Variants in LRRC40 observed in about 807,000 individuals in gnomAD.
LRRC40 encodes leucine rich repeat containing 40, also known as leucine-rich repeat-containing protein 40.
In LRRC40, 76 loss-of-function variants were observed where a neutral mutation model predicts 72.8. The observed-to-expected ratio is 1.04, with a 90% confidence interval of 0.87 to 1.26. LRRC40 has a LOEUF of 1.26. LRRC40 is among the 50% of genes most tolerant of loss of function. The pLI is 0.00. For synonymous variants in LRRC40, 243 were observed against 254.2 expected (o/e 0.96, Z 0.42); for missense variants, 684 against 698.9 (o/e 0.98, Z 0.24).
chr1:70,202,092 A>T (rs1386178241), intron 1 of LRRC40, among the ~76,000 whole-genome samples: 1 of 152,226 alleles, frequency 6.6e-6, no homozygotes, highest in Non-Finnish European at 1.5e-5. Context: ...ACTTTCATTT[A>T]TTACTTGTGG....
chr1:70,149,760 A>G (rs949408977), intron 13 of LRRC40, among the ~76,000 whole-genome samples: 3 of 152,308 alleles, frequency 2.0e-5, no homozygotes, highest in East Asian at 3.9e-4. Context: ...AAAATGAGCA[A>G]TATTTTAACA....
chr1:70,181,566 G>T (rs1259359117), intron 4 of LRRC40, among the ~76,000 whole-genome samples: 1 of 151,850 alleles, frequency 6.6e-6, no homozygotes, highest in African/African-American at 2.4e-5. Context: ...TTTATGAAGT[G>T]CCTAAGAAGA....
In LRRC40 at chr1:70,181,139, T is replaced by A; in HGVS notation, c.608A>T (p.Asn203Ile). The A allele has an allele frequency of 6.2e-7, 1 of 1,600,752 alleles. No individual in the cohort carries two copies. The highest frequency in any genetic ancestry group is 8.5e-7 in the Non-Finnish European group (1 of 1,171,896). ...FSSLSSLVRL[N>I]LSSNELKSLP... ...ACTCTTCAGTTCATTACTAGAAAGA[T>A]TGAGTCGCACCAGACTGGACAGAGA... is the stretch of plus-strand genomic sequence containing the variant. Residue 203 changes from asparagine (N) to isoleucine (I), a missense_variant, in exon 5 of 15, where the codon AAT becomes ATT. Physicochemically the swap from Asn to Ile is moderately radical, Grantham distance 149. Coordinates refer to ENST00000370952, the MANE Select transcript of LRRC40 (RefSeq NM_017768.5).
intron 13 of LRRC40, among the ~76,000 whole-genome samples, 165 bp downstream of exon 13, chr1:70,150,963 T>C (rs1667468050): frequency 6.6e-6 from 1 of 152,202 alleles, no homozygotes; most frequent in Non-Finnish European, 1.5e-5. Context: ...ATGAGAATTC[T>C]AAGAAAATAA....
intron 10 of LRRC40, among the ~76,000 whole-genome samples, chr1:70,157,969 T>C (rs1667675647): frequency 6.6e-6 from 1 of 151,222 alleles, no homozygotes; most frequent in South Asian, 2.1e-4. Context: ...CTGGGCAGGA[T>C]AGCGTGCAGC....
intron 1 of LRRC40, among the ~76,000 whole-genome samples, chr1:70,195,976 G>T (rs528205556): frequency 6.6e-6 from 1 of 152,156 alleles, no homozygotes; most frequent in East Asian, 1.9e-4. Flanking sequence ...CCATTGTCAG[G>T]TATGGATTCA....
Position 70,175,850 on chromosome 1 carries a change from A to C in LRRC40, c.937T>G (p.Ser313Ala). The change falls in exon 7 of 15, where the codon TCC (serine) becomes GCC (alanine). Residue 313 changes from serine to alanine, a missense_variant. By Grantham distance (99) the Ser-to-Ala change is moderately conservative (BLOSUM62 1). Coordinates refer to ENST00000370952, the MANE Select transcript of LRRC40 (RefSeq NM_017768.5). ...SVPDEIILLR[S>A]LERLDLSNND... The stretch of plus-strand genomic sequence containing the variant: ...TTGCTTAGGTCAAGCCTTTCCAAGG[A>C]CCGTAGTAGTATAATTTCATCTGGA... 6.3e-7 allele frequency: 1 copy of C among 1,582,954 alleles called. No individual in the cohort carries two copies. The highest frequency in any genetic ancestry group is 8.6e-7 in the Non-Finnish European group (1 of 1,168,572).
intron 2 of LRRC40, 84 bp from the exon 3 acceptor site, chr1:70,187,422 G>T: frequency 1.5e-6 from 1 of 678,228 alleles, no homozygotes; most frequent in Non-Finnish European, 2.6e-6. Flanking sequence ...AAAACTATTA[G>T]TCAGTAATCT....
Position 70,176,046 on chromosome 1 carries a change from A to T in LRRC40, c.805-64T>A, listed in dbSNP as rs1001555742. ...CAATTTTATAGTAGATAATGAAAAT[A>T]AAATTGTAGGTACTCTTAATTTCAA... is the stretch of plus-strand genomic sequence containing the variant. On this transcript the variant is annotated intron_variant, in intron 6 of 14. Transcript: ENST00000370952. The T allele has an allele frequency of 4.1e-6, 4 of 978,856 alleles. No individual in the cohort carries two copies. The African/African-American group carries it at 6.8e-5, about 17-fold the overall frequency. 60.6% of individuals were successfully genotyped at this position (978,856 alleles called of 1,614,324 possible). A position where few individuals can be genotyped will look rare whatever the true frequency, so the allele number is the denominator to read the frequency against.
At chr1:70,157,961 G>A (rs2100246812) in intron 10 of LRRC40, among the ~76,000 whole-genome samples, 1 of 151,760 alleles carries the variant, frequency 6.6e-6, no homozygotes, top group East Asian at 1.9e-4. Flanking sequence ...AAAATTAGCT[G>A]GGCAGGATAG....
At chr1:70,153,422 A>G (rs567331400) in intron 11 of LRRC40, among the ~76,000 whole-genome samples, 58 of 149,764 alleles carry the variant, frequency 3.9e-4, no homozygotes, top group African/African-American at 1.4e-3. Context: ...ATTAGCAAAG[A>G]AAAAAAAAAG....
At chr1:70,194,332 T>C (rs187364430) in intron 1 of LRRC40, among the ~76,000 whole-genome samples, 17 of 151,970 alleles carry the variant, frequency 1.1e-4, no homozygotes, top group Admixed American at 8.5e-4. Flanking sequence ...TGTTAAAAGA[T>C]TTACAATACA....
chr1:70,193,167 A>G (rs1219931942), intron 1 of LRRC40, among the ~76,000 whole-genome samples: 1 of 152,076 alleles, frequency 6.6e-6, no homozygotes, highest in Admixed American at 6.6e-5. Flanking sequence ...GTGGAAATCA[A>G]TGAGAGAGAA....
Position 70,173,505 on chromosome 1 carries a change from T to A in LRRC40, c.1071A>T (p.Gly357=). The A allele has an allele frequency of 6.2e-7, 1 of 1,608,206 alleles. No homozygotes were observed. The highest frequency in any genetic ancestry group is 8.5e-7 in the Non-Finnish European group (1 of 1,175,116). Residue 357 remains glycine, a synonymous_variant, in exon 9 of 15, where the codon GGA becomes GGT. Coordinates refer to ENST00000370952, the MANE Select transcript of LRRC40 (RefSeq NM_017768.5). The part of the protein sequence containing the change: ...RTIRREIISK[G]TQEVLKYLRS... ...GTAGATATTTTAGGACTTCTTGTGT[T>A]CCTTTCTAGAAGGGTGGAGACAAAG...
chr1:70,178,079 G>A (rs1668149095), intron 6 of LRRC40, among the ~76,000 whole-genome samples: 1 of 152,148 alleles, frequency 6.6e-6, no homozygotes, highest in South Asian at 2.1e-4. Flanking sequence ...ATTTGTTCAT[G>A]TTATTGGTAA....
At chr1:70,204,248 T>G (rs757807380) in intron 1 of LRRC40, among the ~76,000 whole-genome samples, 2 of 152,194 alleles carry the variant, frequency 1.3e-5, no homozygotes, top group African/African-American at 4.8e-5. Context: ...CTATTTTCAG[T>G]GATAGAAATA....
At chr1:70,166,575 T>C (rs1367136640) in intron 9 of LRRC40, among the ~76,000 whole-genome samples, 4 of 151,992 alleles carry the variant, frequency 2.6e-5, no homozygotes, top group African/African-American at 9.7e-5. Context: ...AAGGATTGCT[T>C]GAGCCCAGAA....
At chr1:70,146,035 CTTTT>C (rs1030051509) in intron 14 of LRRC40, 130 bp from the exon 15 acceptor site, 1 of 546,340 alleles carries the variant, frequency 1.8e-6, no homozygotes, top group Non-Finnish European at 3.2e-6. Context: ...ATTTTTATTT[CTTTT>C]TTTGAGACAG....
chr1:70,148,274 T>C (rs1260154107), intron 14 of LRRC40, among the ~76,000 whole-genome samples: 1 of 152,124 alleles, frequency 6.6e-6, no homozygotes, highest in Non-Finnish European at 1.5e-5. Flanking sequence ...AGTTATTATA[T>C]TCACACATAT....
Sources: gnomAD v4.1 joint callset for allele counts (sites outside exome capture counted in the v4.1 genomes callset) on GRCh38, gnomAD v4.1.1 for gene constraint, MANE v1.5 for transcripts, NCBI Gene and HGNC (gene_info 2026-07-23, HGNC 2026-07-21) for gene names.